Variants in NUDT3 observed in about 807,000 individuals in gnomAD.
NUDT3 encodes the protein nudix hydrolase 3.
In NUDT3, 9 loss-of-function variants were observed where a neutral mutation model predicts 23.6. The observed-to-expected ratio is 0.38, with a 90% CI of 0.23 to 0.66. The LOEUF (loss-of-function observed/expected upper bound fraction) is 0.66. Among genes scored for constraint, NUDT3 ranks in the 30% least tolerant of loss-of-function variants. The pLI, the probability that NUDT3 is intolerant of heterozygous loss-of-function variation, is 0.52. For synonymous variants in NUDT3, 86 were observed against 82.6 expected (o/e 1.04, Z -0.22); for missense variants, 172 against 218.5 (o/e 0.79, Z 1.34).
intron 1 of NUDT3, among the ~76,000 whole-genome samples, chr6:34,368,566 G>A (rs142158856): frequency 1.3e-5 from 2 of 152,200 alleles, no homozygotes; most frequent in African/African-American, 4.8e-5. Context: ...ATCTCAGACA[G>A]CAATTTTCAA....
intron 1 of NUDT3, among the ~76,000 whole-genome samples, chr6:34,385,205 T>G (rs903657618): frequency 6.6e-6 from 1 of 151,386 alleles, no homozygotes; most frequent in Non-Finnish European, 1.5e-5. Flanking sequence ...GCCTATAATC[T>G]CAACACTTTG....
At chr6:34,377,503 A>T (rs1416073651) in intron 1 of NUDT3, among the ~76,000 whole-genome samples, 1 of 152,200 alleles carries the variant, frequency 6.6e-6, no homozygotes, top group Non-Finnish European at 1.5e-5. Context: ...CACATTCTCA[A>T]ATATTATTTA....
At chr6:34,376,139 C>T (rs569456848) in intron 1 of NUDT3, among the ~76,000 whole-genome samples, 1 of 152,338 alleles carries the variant, frequency 6.6e-6, no homozygotes, top group Admixed American at 6.5e-5. Context: ...CATGACAAAA[C>T]CAAAGTTCCA....
At chr6:34,314,768 T>A (rs1763833432) in intron 2 of NUDT3, among the ~76,000 whole-genome samples, 1 of 152,070 alleles carries the variant, frequency 6.6e-6, no homozygotes, top group Non-Finnish European at 1.5e-5. Flanking sequence ...ACTGTGTGAT[T>A]CGGGGCAAAT....
At chr6:34,304,948 A>T (rs145321336) in intron 2 of NUDT3, among the ~76,000 whole-genome samples, 13,999 of 144,868 alleles carry the variant, frequency 0.097, 766 homozygotes, top group Non-Finnish European at 0.12. Context: ...CTGGGATTAT[A>T]GGCATGAGCC....
chr6:34,346,713 T>C (rs1764376382), intron 1 of NUDT3, among the ~76,000 whole-genome samples: 1 of 152,114 alleles, frequency 6.6e-6, no homozygotes, highest in South Asian at 2.1e-4. Flanking sequence ...GTAAGTTTCC[T>C]TGACAACCTA....
intron 2 of NUDT3, among the ~76,000 whole-genome samples, chr6:34,300,784 T>C (rs1228326687): frequency 6.6e-6 from 1 of 152,354 alleles, no homozygotes; most frequent in East Asian, 1.9e-4. Flanking sequence ...TCTGTTATTA[T>C]TCGTAGCTGA....
At chr6:34,314,023 G>GGAGGCGGAGGATGTGGT in intron 2 of NUDT3, among the ~76,000 whole-genome samples, 1 of 152,122 alleles carries the variant, frequency 6.6e-6, no homozygotes, top group South Asian at 2.1e-4. Context: ...CTTGAACCCA[G>GGAGGCGGAGGATGTGGT]GAGGCGGAGG....
Position 34,288,630 on chromosome 6 carries a change from G to T in NUDT3, c.*123C>A. The stretch of plus-strand genomic sequence containing the variant: ...AACATTATCAATACACCCTTTCTTT[G>T]CTGCCCACCATGCCTTATTTGAAAG... On this transcript the variant is annotated 3_prime_UTR_variant, in exon 5 of 5. Coordinates refer to ENST00000607016, the MANE Select transcript of NUDT3 (RefSeq NM_006703.4). 7.6e-7 allele frequency: 1 copy of T among 1,311,254 alleles called. No individual in the cohort carries two copies. 81.2% of individuals were successfully genotyped at this position (1,311,254 alleles called of 1,614,324 possible).
At chr6:34,345,612 G>A (rs1288380156) in intron 1 of NUDT3, among the ~76,000 whole-genome samples, 3 of 144,634 alleles carry the variant, frequency 2.1e-5, no homozygotes, top group Admixed American at 7.1e-5. Context: ...GCAGTGAACC[G>A]AGATTGCGCC....
At chr6:34,350,098 G>GA (rs1218407737) in intron 1 of NUDT3, among the ~76,000 whole-genome samples, 2 of 149,378 alleles carry the variant, frequency 1.3e-5, no homozygotes, top group African/African-American at 2.5e-5. Flanking sequence ...CAAAAAAAAA[G>GA]AAAAAAAAGA....
chr6:34,333,569 T>C (rs1301813792), intron 2 of NUDT3, among the ~76,000 whole-genome samples: 1 of 152,150 alleles, frequency 6.6e-6, no homozygotes. Flanking sequence ...TTGAGCATAT[T>C]AGGCTGGACC....
At chr6:34,384,355 T>C (rs1765070725) in intron 1 of NUDT3, among the ~76,000 whole-genome samples, 1 of 152,172 alleles carries the variant, frequency 6.6e-6, no homozygotes, top group Admixed American at 6.5e-5. Flanking sequence ...TAAAACAGCT[T>C]TAAGGCACAG....
At position 34,284,682 on chromosome 6, in the gene NUDT3, G is replaced by A. The variant is rs1235956544; in HGVS notation, c.*4071C>T. The A allele has an allele frequency of 6.6e-6, 1 of 152,072 alleles. No homozygotes were observed. Among genetic ancestry groups the A allele is most frequent in the Non-Finnish European group, 1.5e-5 (1 of 68,026 alleles). The allele number at this position is 152,072 out of a possible 1,614,324, so 9.4% of individuals were successfully genotyped here. On this transcript the variant is annotated 3_prime_UTR_variant, in exon 5 of 5. Coordinates refer to ENST00000607016, the MANE Select transcript of NUDT3 (RefSeq NM_006703.4). Reference sequence around the variant, plus strand: ...ACCTATTATTTCTCTGGTTAAGAAGGTTTAGCAGGAGCCTCCAATGAGCAC... The same window carrying A: ...ACCTATTATTTCTCTGGTTAAGAAGATTTAGCAGGAGCCTCCAATGAGCAC...
intron 2 of NUDT3, among the ~76,000 whole-genome samples, chr6:34,333,076 G>A (rs905372275): frequency 3.3e-5 from 5 of 152,164 alleles, no homozygotes; most frequent in African/African-American, 1.2e-4. Context: ...AAGAGGCACT[G>A]TTACTAAAGC....
chr6:34,362,577 G>A (rs901772753), intron 1 of NUDT3, among the ~76,000 whole-genome samples: 2 of 152,024 alleles, frequency 1.3e-5, no homozygotes, highest in African/African-American at 4.8e-5. Context: ...TGATTCTCCT[G>A]CCTCAGCCTC....
chr6:34,354,792 CTTTATAT>C (rs1764537465), intron 1 of NUDT3, among the ~76,000 whole-genome samples: 1 of 141,440 alleles, frequency 7.1e-6, no homozygotes, highest in South Asian at 2.2e-4. Context: ...TATTTGTATA[CTTTATAT>C]TTTATATTTG....
At position 34,392,375 on chromosome 6, in the gene NUDT3, G is replaced by C. The variant is rs11553025; in HGVS notation, c.-13C>G. 1 of 1,594,976 alleles carries C rather than the reference G, an allele frequency of 6.3e-7. No individual in the cohort carries two copies. Among genetic ancestry groups the C allele is most frequent in the Non-Finnish European group, 8.5e-7 (1 of 1,172,736 alleles). On this transcript the variant is annotated 5_prime_UTR_variant, in exon 1 of 5. Coordinates refer to ENST00000607016, the MANE Select transcript of NUDT3 (RefSeq NM_006703.4). ...TGAGCTTCATCATCCTCCGGGCCCG[G>C]GTGGGGGTGCGGTGCGGGTCGCAGG...
chr6:34,354,509 G>A (rs1764529669), intron 1 of NUDT3, among the ~76,000 whole-genome samples: 1 of 151,792 alleles, frequency 6.6e-6, no homozygotes, highest in African/African-American at 2.4e-5. Context: ...GATTTCTTGA[G>A]GTCAGGAGCT....
Sources: gnomAD v4.1 joint callset for allele counts (sites outside exome capture counted in the v4.1 genomes callset) on GRCh38, gnomAD v4.1.1 for gene constraint, MANE v1.5 for transcripts, NCBI Gene and HGNC (gene_info 2026-07-23, HGNC 2026-07-21) for gene names.